The following PCBP3 variants were observed in gnomAD, a reference collection of about 807,000 sequenced individuals.
PCBP3 encodes the protein poly(rC) binding protein 3.
A neutral mutation model predicts 52.7 loss-of-function variants in PCBP3; 25 were observed. The observed-to-expected ratio is 0.47, with a 90% CI of 0.35 to 0.66. PCBP3 has a LOEUF of 0.66. Among genes scored for constraint, PCBP3 ranks in the 30% least tolerant of loss-of-function variants. The pLI is 0.01. For missense variants in PCBP3, 391 were observed against 490.3 expected (o/e 0.80, Z 1.91); for synonymous variants, 162 against 183.0 (o/e 0.89, Z 0.93).
At chr21:45,864,627 C>T (rs890013443) in intron 5 of PCBP3, among the ~76,000 whole-genome samples, 5 of 152,148 alleles carry the variant, frequency 3.3e-5, no homozygotes, top group Non-Finnish European at 7.3e-5. Flanking sequence ...TGTCGACCAT[C>T]GCTGCCATGT....
rs180903620 is a variant in PCBP3 at position 45,646,354 on chromosome 21, G to C, written c.-279+2486G>C. Among the ~76,000 whole-genome samples, 19 of 151,908 alleles carry C rather than the reference G, an allele frequency of 1.3e-4. 1 individual carries two copies. Among genetic ancestry groups the C allele is most frequent in the Admixed American group, 1.2e-3 (19 of 15,262 alleles). On this transcript the variant is annotated intron_variant, in intron 1 of 17. Coordinates refer to ENST00000681687, the MANE Select transcript of PCBP3 (RefSeq NM_001384156.1). ...TTAGTCTTCACTGTCTCTCTAGGTG[G>C]GAGTTTTGTTGCTTGAGTATGGGCA...
intron 3 of PCBP3, chr21:45,744,107 G>A (rs2086650032): frequency 6.9e-6 from 1 of 145,468 alleles, no homozygotes; most frequent in Admixed American, 6.9e-5. Context: ...AGGTAAAAAT[G>A]TGTATATGTT....
Position 45,738,500 on chromosome 21 carries a change from C to T in PCBP3, c.-162+3071C>T, listed in dbSNP as rs1318801478. Among the ~76,000 whole-genome samples the T allele has an allele frequency of 3.9e-5, 6 of 152,170 alleles. No homozygotes were observed. The East Asian group carries it at 7.7e-4, about 20-fold the overall frequency. ...CGATCTCCTGACCTCGTGATCCACA[C>T]GCCTCGGCCTCCCAAAGTGCTGGGA... On this transcript the variant is annotated intron_variant, in intron 3 of 17. Transcript: ENST00000681687.
intron 17 of PCBP3, among the ~76,000 whole-genome samples, chr21:45,941,404 C>T (rs563086438): frequency 6.6e-6 from 1 of 152,314 alleles, no homozygotes; most frequent in African/African-American, 2.4e-5. Context: ...CGACCCAGGG[C>T]TGTGTAGGGG....
intron 4 of PCBP3, among the ~76,000 whole-genome samples, chr21:45,819,986 G>T (rs1345977037): frequency 3.3e-5 from 5 of 152,244 alleles, no homozygotes; most frequent in African/African-American, 1.2e-4. Flanking sequence ...TGTCACTCCA[G>T]GCAGTTACTC....
chr21:45,710,410 G>GT (rs1324107666), intron 2 of PCBP3, among the ~76,000 whole-genome samples: 15 of 152,168 alleles, frequency 9.9e-5, no homozygotes, highest in African/African-American at 3.6e-4. Context: ...GCGGTGTTTG[G>GT]TTTTTTGTCC....
At chr21:45,663,211 C>T (rs1232921946) in intron 1 of PCBP3, among the ~76,000 whole-genome samples, 3 of 152,164 alleles carry the variant, frequency 2.0e-5, no homozygotes, top group Admixed American at 2.0e-4. Flanking sequence ...AGGGAAGGGC[C>T]CCCTGTCCAG....
At chr21:45,681,666 A>T (rs896812899) in intron 2 of PCBP3, among the ~76,000 whole-genome samples, 2 of 152,148 alleles carry the variant, frequency 1.3e-5, no homozygotes, top group Admixed American at 1.3e-4. Flanking sequence ...TTTGCTAAGG[A>T]TATTTTGCAT....
At chr21:45,808,060 A>G (rs1234725479) in intron 4 of PCBP3, among the ~76,000 whole-genome samples, 3 of 152,250 alleles carry the variant, frequency 2.0e-5, no homozygotes, top group African/African-American at 7.2e-5. Flanking sequence ...GATGGATTAA[A>G]GACTTACATA....
At chr21:45,693,531 A>C (rs2082603164) in intron 2 of PCBP3, among the ~76,000 whole-genome samples, 1 of 152,264 alleles carries the variant, frequency 6.6e-6, no homozygotes, top group East Asian at 1.9e-4. Flanking sequence ...CAAATTGTAC[A>C]CTTTAATAGA....
In PCBP3 at chr21:45,896,380, T is replaced by G; in HGVS notation, c.165+18T>G. On this transcript the variant is annotated intron_variant, in intron 6 of 17. Coordinates refer to ENST00000681687, the MANE Select transcript of PCBP3 (RefSeq NM_001384156.1). ...ATGGAAAGGTAAGAGGAGCCGCCAT[T>G]GTCTCTGTAGGAAAGGCGGCCGCGG... 3 of 1,551,192 alleles carry G rather than the reference T, an allele frequency of 1.9e-6. No individual in the cohort carries two copies. The South Asian group carries it at 3.6e-5, about 18-fold the overall frequency.
rs575081570 is a variant in PCBP3 at position 45,823,929 on chromosome 21, ATG to A, written c.-125-26031_-125-26030del. Among the ~76,000 whole-genome samples the A allele has an allele frequency of 2.0e-3, 305 of 151,954 alleles. 1 individual carries two copies. Among genetic ancestry groups the A allele is most frequent in the African/African-American group, 7.2e-3 (297 of 41,430 alleles). On this transcript the variant is annotated intron_variant, in intron 4 of 17. Coordinates refer to ENST00000681687, the MANE Select transcript of PCBP3 (RefSeq NM_001384156.1). ...GCTAATTTTTTTATTTTTAGTAGAG[ATG>A]GGGTTTCACCATGTTGTCCAGGCTG...
At chr21:45,890,806 G>C (rs1011423736) in intron 5 of PCBP3, among the ~76,000 whole-genome samples, 6 of 138,462 alleles carry the variant, frequency 4.3e-5, no homozygotes, top group African/African-American at 1.7e-4. Flanking sequence ...AACTCTGTGT[G>C]CTGCTGAGAG....
At chr21:45,930,043 C>CT in intron 14 of PCBP3, 48 bp downstream of exon 14, 4 of 1,339,450 alleles carry the variant, frequency 3.0e-6, no homozygotes, top group Non-Finnish European at 4.3e-6. Context: ...CACCTGGGGA[C>CT]TTTCTCTTTC....
chr21:45,876,929 G>C (rs1421290838), intron 5 of PCBP3, among the ~76,000 whole-genome samples: 1 of 152,256 alleles, frequency 6.6e-6, no homozygotes, highest in Non-Finnish European at 1.5e-5. Flanking sequence ...TGCTGGCAAG[G>C]CTTCTCCCGC....
intron 2 of PCBP3, among the ~76,000 whole-genome samples, chr21:45,730,730 GTTA>G (rs1281142442): frequency 2.6e-5 from 4 of 152,074 alleles, no homozygotes; most frequent in African/African-American, 4.8e-5. Context: ...AACGTTTAGG[GTTA>G]TTATTTTCTC....
intron 2 of PCBP3, among the ~76,000 whole-genome samples, chr21:45,688,503 A>G (rs970812859): frequency 2.6e-5 from 4 of 152,216 alleles, no homozygotes; most frequent in African/African-American, 9.6e-5. Context: ...TACAGATGTC[A>G]GTGCTGACAT....
At position 45,802,096 on chromosome 21, in the gene PCBP3, G is replaced by A. The variant is rs1367868719; in HGVS notation, c.-126+46644G>A. On this transcript the variant is annotated intron_variant, in intron 4 of 17. Transcript: ENST00000681687. This position sits in a 1 kb window ranked among gnomAD's most constrained non-coding sequence, Gnocchi z 5.1. ...ACTTCTGGGCTGGGTGGTTAGCGGG[G>A]CTCCCTCCTTTACCCTCAGACCCCT... Among the ~76,000 whole-genome samples the A allele has an allele frequency of 6.6e-6, 1 of 152,162 alleles. No individual in the cohort carries two copies. Among genetic ancestry groups the A allele is most frequent in the Non-Finnish European group, 1.5e-5 (1 of 68,018 alleles).
intron 4 of PCBP3, among the ~76,000 whole-genome samples, chr21:45,765,169 G>A (rs1057418806): frequency 6.6e-6 from 1 of 152,198 alleles, no homozygotes; most frequent in South Asian, 2.1e-4. Flanking sequence ...GGTGGGGATA[G>A]ACAGAGAGGC....
Sources: allele counts gnomAD v4.1 joint callset (sites outside exome capture counted in the v4.1 genomes callset), GRCh38; gene constraint gnomAD v4.1.1; non-coding constraint Gnocchi (gnomAD v3.1); transcripts MANE v1.5; gene names NCBI Gene and HGNC (gene_info 2026-07-23, HGNC 2026-07-21).